Variants in BRI3BP observed in about 807,000 individuals in gnomAD.
BRI3BP encodes BRI3 binding protein.
Under a neutral mutation model 15.8 loss-of-function variants are expected in BRI3BP, and 7 were observed. The ratio of observed to expected loss-of-function variants is 0.44; its 90% CI spans 0.25 to 0.83. BRI3BP has a LOEUF of 0.83. BRI3BP is among the 40% of genes least tolerant of loss of function. The probability of loss-of-function intolerance (pLI) is 0.20; values close to 1 mark genes in which losing one functional copy is unlikely to be tolerated. For synonymous variants in BRI3BP, 192 were observed against 163.5 expected (o/e 1.17, Z -1.33); for missense variants, 320 against 339.3 (o/e 0.94, Z 0.45).
rs1955347285 is a variant in BRI3BP at position 125,025,603 on chromosome 12, A to G, written c.*173A>G. 1.6e-6 allele frequency: 1 copy of G among 639,188 alleles called. No homozygotes were observed. The highest frequency in any genetic ancestry group is 1.8e-5 in the African/African-American group (1 of 55,010). The allele number at this position is 639,188 out of a possible 1,614,324, so 39.6% of individuals were successfully genotyped here. A position where few individuals can be genotyped will look rare whatever the true frequency, so the allele number is the denominator to read the frequency against. On this transcript the variant is annotated 3_prime_UTR_variant, in exon 3 of 3. Transcript: ENST00000341446. ...GCAGCTCTTAGGACACATTCCCAGA[A>G]GAGCGGAAAGATCATTGACGTGGAA...
chr12:125,002,535 C>G (rs1246335448), intron 1 of BRI3BP, among the ~76,000 whole-genome samples: 1 of 151,236 alleles, frequency 6.6e-6, no homozygotes, highest in African/African-American at 2.4e-5. Context: ...CTGCTCACTG[C>G]AACCTCCGCC....
At chr12:124,994,359 A>T (rs1261246321) in intron 1 of BRI3BP, among the ~76,000 whole-genome samples, 1 of 152,048 alleles carries the variant, frequency 6.6e-6, no homozygotes, top group African/African-American at 2.4e-5. Flanking sequence ...CAGGCAGCAC[A>T]CTGGCGCTCT....
At chr12:125,021,401 G>A (rs1421978133) in intron 2 of BRI3BP, among the ~76,000 whole-genome samples, 1 of 152,194 alleles carries the variant, frequency 6.6e-6, no homozygotes, top group Non-Finnish European at 1.5e-5. Context: ...AGATCGTTGT[G>A]TCACACTTTG....
At chr12:125,005,445 T>C (rs1955133582) in intron 1 of BRI3BP, among the ~76,000 whole-genome samples, 4 of 152,120 alleles carry the variant, frequency 2.6e-5, no homozygotes, top group Admixed American at 2.6e-4. Context: ...CTGTGTCCCA[T>C]TTCCCAGATC....
the BRI3BP span, among the ~76,000 whole-genome samples, chr12:125,048,015 T>TAA: frequency 0.023 from 3,106 of 137,106 alleles, 133 homozygotes; most frequent in African/African-American, 0.08. Flanking sequence ...TTCTTATAGT[T>TAA]AAAAAAAAAA....
At chr12:125,004,430 A>G (rs1164868905) in intron 1 of BRI3BP, among the ~76,000 whole-genome samples, 1 of 152,204 alleles carries the variant, frequency 6.6e-6, no homozygotes, top group Non-Finnish European at 1.5e-5. Context: ...TTGGCCTCCC[A>G]AAGTGTTGGG....
intron 1 of BRI3BP, among the ~76,000 whole-genome samples, chr12:125,008,138 C>T (rs1189161176): frequency 1.3e-5 from 2 of 151,928 alleles, no homozygotes; most frequent in Non-Finnish European, 2.9e-5. Flanking sequence ...CACCACCACA[C>T]TCTGAGAACC....
chr12:124,997,004 C>T (rs1955046179), intron 1 of BRI3BP, among the ~76,000 whole-genome samples: 2 of 150,614 alleles, frequency 1.3e-5, no homozygotes, highest in Non-Finnish European at 3.0e-5. Context: ...CGTAATCCGC[C>T]CTCCTCAGCC....
chr12:125,000,195 G>A (rs981624229), intron 1 of BRI3BP, among the ~76,000 whole-genome samples: 5 of 149,590 alleles, frequency 3.3e-5, no homozygotes, highest in East Asian at 3.9e-4. Context: ...GCTTTTTTGA[G>A]GTGTAATTGC....
chr12:125,049,123 G>A, the BRI3BP span, among the ~76,000 whole-genome samples: 1 of 152,002 alleles, frequency 6.6e-6, no homozygotes, highest in Non-Finnish European at 1.5e-5. Context: ...CACCACGCCT[G>A]GCTAATTTTT....
the BRI3BP span, among the ~76,000 whole-genome samples, chr12:125,042,782 C>T: frequency 6.6e-6 from 1 of 152,058 alleles, no homozygotes; most frequent in Non-Finnish European, 1.5e-5. Flanking sequence ...AGTGATCTGC[C>T]CCTCTTGGCC....
intron 1 of BRI3BP, among the ~76,000 whole-genome samples, chr12:124,997,214 C>CTCTTTTTTTTTTTTTTTTTTTTT (rs1335395514): frequency 5.8e-5 from 3 of 51,540 alleles, no homozygotes; most frequent in East Asian, 8.7e-4. Context: ...CTTTACTTCT[C>CTCTTTTTTTTTTTTTTTTTTTTT]TTTTTTTTTT....
Position 125,025,507 on chromosome 12 carries a change from A to C in BRI3BP, c.*77A>C. 7.5e-7 allele frequency: 1 copy of C among 1,330,282 alleles called. No homozygotes were observed. Among genetic ancestry groups the C allele is most frequent in the Non-Finnish European group, 1.0e-6 (1 of 996,600 alleles). The allele number at this position is 1,330,282 out of a possible 1,614,324, so 82.4% of individuals were successfully genotyped here. A position where few individuals can be genotyped will look rare whatever the true frequency, so the allele number is the denominator to read the frequency against. ...CGAAAACGGAGGAAAAAAACCCCAA[A>C]CCCCAAACAATCTTAATAAACACGA... is the stretch of plus-strand genomic sequence containing the variant. On this transcript the variant is annotated 3_prime_UTR_variant, in exon 3 of 3. Transcript: ENST00000341446.
chr12:125,014,324 G>A (rs566833950), intron 2 of BRI3BP, among the ~76,000 whole-genome samples: 9 of 152,130 alleles, frequency 5.9e-5, no homozygotes, highest in African/African-American at 1.2e-4. Context: ...CCTGTCTCAC[G>A]GGAAGGTCTG....
In BRI3BP at chr12:125,025,021, C is replaced by G. The variant is rs1334629417; in HGVS notation, c.347C>G (p.Ala116Gly). The change falls in exon 3 of 3, where the codon GCC (alanine) becomes GGC (glycine). Residue 116 changes from alanine to glycine, a missense_variant. Transcript: ENST00000341446. The part of the protein sequence containing the change: ...VSNLSQYFSP[A>G]SVSSSPARAL... The stretch of plus-strand genomic sequence containing the variant: ...AACCTGTCCCAGTATTTCAGCCCAG[C>G]CTCGGTGTCCAGCAGCCCGGCCCGC... 1 of 1,613,246 alleles carries G rather than the reference C, an allele frequency of 6.2e-7. No individual in the cohort carries two copies. Among genetic ancestry groups the G allele is most frequent in the Non-Finnish European group, 8.5e-7 (1 of 1,179,876 alleles).
In BRI3BP at chr12:125,029,543, AAAG is replaced by A. The variant is rs1291109086; in HGVS notation, c.*4114_*4116del. 29 of 147,902 alleles carry A rather than the reference AAAG, an allele frequency of 2.0e-4. No individual in the cohort carries two copies. Among genetic ancestry groups the A allele is most frequent in the Admixed American group, 1.8e-3 (27 of 14,870 alleles). 9.2% of individuals were successfully genotyped at this position (147,902 alleles called of 1,614,324 possible). A position where few individuals can be genotyped will look rare whatever the true frequency, so the allele number is the denominator to read the frequency against. On this transcript the variant is annotated 3_prime_UTR_variant, in exon 3 of 3. Transcript: ENST00000341446. ...TGAGACCCAGTCTCAAAAAAAAAAAAAAGTGTGTGTGTGTGTATATATATGTAT... is the reference window on the plus strand; with the variant it reads ...TGAGACCCAGTCTCAAAAAAAAAAAATGTGTGTGTGTGTATATATATGTAT...
chr12:125,016,825 CTTTTTTTT>C (rs58016016), intron 2 of BRI3BP, among the ~76,000 whole-genome samples: 27 of 39,806 alleles, frequency 6.8e-4, no homozygotes, highest in Admixed American at 1.1e-3. Context: ...TGCGCCCAGC[CTTTTTTTT>C]TTTTTTTTTT....
chr12:125,006,928 G>T (rs1048163093), intron 1 of BRI3BP, among the ~76,000 whole-genome samples: 2 of 152,144 alleles, frequency 1.3e-5, no homozygotes, highest in African/African-American at 4.8e-5. Flanking sequence ...TCTGGGCGCG[G>T]TGGGTCACGC....
rs375866414 is a variant in BRI3BP at position 125,025,034 on chromosome 12, C to G, written c.360C>G (p.Ser120Arg). ...SQYFSPASVS[S>R]SPARALLLVG... ...ATTTCAGCCCAGCCTCGGTGTCCAG[C>G]AGCCCGGCCCGCGCGCTCCTGCTGG... The change falls in exon 3 of 3, where the codon AGC becomes AGG. Residue 120 changes from serine (S) to arginine (R), a missense_variant. Ser to Arg is a moderately radical substitution (Grantham distance 110). Transcript: ENST00000341446. 28 of 1,613,244 alleles carry G rather than the reference C, an allele frequency of 1.7e-5. No individual in the cohort carries two copies. The highest frequency in any genetic ancestry group is 2.3e-5 in the Non-Finnish European group (27 of 1,179,998).
Sources: allele counts gnomAD v4.1 joint callset (sites outside exome capture counted in the v4.1 genomes callset), GRCh38; gene constraint gnomAD v4.1.1; transcripts MANE v1.5; gene names NCBI Gene and HGNC (gene_info 2026-07-23, HGNC 2026-07-21).